The following ILDR1 variants were observed in gnomAD, a reference collection of about 807,000 sequenced individuals.
ILDR1 encodes immunoglobulin like domain containing receptor 1.
A neutral mutation model predicts 62.4 loss-of-function variants in ILDR1; 56 were observed. The observed-to-expected ratio is 0.90, with a 90% CI of 0.72 to 1.12. ILDR1 has a LOEUF of 1.12. Ranked by LOEUF, ILDR1 falls within the 50% of genes most tolerant of loss-of-function variation. The probability of loss-of-function intolerance (pLI) is 0.00; values close to 1 mark genes in which losing one functional copy is unlikely to be tolerated. For synonymous variants in ILDR1, 284 were observed against 277.8 expected (o/e 1.02, Z -0.22); for missense variants, 736 against 710.6 (o/e 1.04, Z -0.41).
chr3:122,040,336 A>G, the ILDR1 span, among the ~76,000 whole-genome samples: 4 of 152,052 alleles, frequency 2.6e-5, no homozygotes, highest in African/African-American at 9.6e-5. Flanking sequence ...AAGTTGGGAA[A>G]TGGGTTTTGT....
At position 121,999,262 on chromosome 3, in the gene ILDR1, T is replaced by C. The variant is rs897053023; in HGVS notation, c.646+2046A>G. 2.0e-5 allele frequency among the ~76,000 whole-genome samples: 3 copies of C among 152,334 alleles called. No individual in the cohort carries two copies. In the East Asian group the frequency reaches 5.8e-4, roughly 29 times the overall value. On this transcript the variant is annotated intron_variant, in intron 5 of 7. Transcript: ENST00000344209. ...AGGTGGTTATCTCTGGGTACTCAGA[T>C]GAGTCATTACATTTTCCTGAATTTC...
the ILDR1 span, among the ~76,000 whole-genome samples, chr3:122,041,302 T>C: frequency 6.6e-6 from 1 of 152,204 alleles, no homozygotes; most frequent in Non-Finnish European, 1.5e-5. Flanking sequence ...AGTGGGTTTG[T>C]TATCACTGCC....
intron 1 of ILDR1, among the ~76,000 whole-genome samples, chr3:122,018,394 T>TGGGG (rs535294009): frequency 1.5e-4 from 8 of 51,852 alleles, no homozygotes; most frequent in South Asian, 6.4e-4. Flanking sequence ...CCTGTTGGGG[T>TGGGG]GGGGGGGGGG....
intron 3 of ILDR1, among the ~76,000 whole-genome samples, chr3:122,002,766 C>T (rs1214520643): frequency 2.0e-5 from 3 of 152,100 alleles, no homozygotes; most frequent in Non-Finnish European, 4.4e-5. Flanking sequence ...GCTCTCCCTC[C>T]TACATCCCCA....
Position 122,002,003 on chromosome 3 carries a change from G to A in ILDR1, c.380-139C>T, listed in dbSNP as rs552181949. The A allele has an allele frequency of 1.8e-5, 18 of 994,476 alleles. No homozygotes were observed. In the African/African-American group the frequency reaches 3.0e-4, roughly 17 times the overall value. 61.6% of individuals were successfully genotyped at this position (994,476 alleles called of 1,614,324 possible). A position where few individuals can be genotyped will look rare whatever the true frequency, so the allele number is the denominator to read the frequency against. ...AATAAAAAAAAAATTATCCAGCCAT[G>A]GTGGCATGTGCCTATAGTCCCAGCT... On this transcript the variant is annotated intron_variant, in intron 3 of 7. Coordinates refer to ENST00000344209, the MANE Select transcript of ILDR1 (RefSeq NM_001199799.2).
chr3:122,022,041 G>A lies in ILDR1; in HGVS notation c.37C>T (p.Leu13Phe), dbSNP rs746304207. 2 of 1,611,800 alleles carry A rather than the reference G, an allele frequency of 1.2e-6. No homozygotes were observed. ...WPKLPAPWLL[L>F]CTWLPAGCLS... ...TCACCTGCTGGGAGCCAGGTGCAGAGCAGCAGCCAAGGTGCGGGCAGTTTG... is the reference window on the plus strand; with the variant it reads ...TCACCTGCTGGGAGCCAGGTGCAGAACAGCAGCCAAGGTGCGGGCAGTTTG... The change falls in exon 1 of 8, where the codon CTC becomes TTC. Residue 13 changes from leucine to phenylalanine, a missense_variant. Transcript: ENST00000344209.
At chr3:122,029,533 T>TATATATATATATATATATATATATATATA in the ILDR1 span, among the ~76,000 whole-genome samples, 7 of 148,784 alleles carry the variant, frequency 4.7e-5, no homozygotes, top group African/African-American at 1.5e-4. Context: ...TATATATATA[T>TATATATATATATATATATATATATATATA]TTAGGGGAAT....
chr3:122,000,674 A>G (rs1156457601), intron 5 of ILDR1, among the ~76,000 whole-genome samples: 1 of 152,250 alleles, frequency 6.6e-6, no homozygotes, highest in Non-Finnish European at 1.5e-5. Flanking sequence ...TTTGCTCAGA[A>G]GCACAGGTGA....
At chr3:122,055,201 G>T in the ILDR1 span, among the ~76,000 whole-genome samples, 1 of 152,082 alleles carries the variant, frequency 6.6e-6, no homozygotes, top group Non-Finnish European at 1.5e-5. Flanking sequence ...GTCATGTCTG[G>T]AACTCAAGCT....
At chr3:122,047,444 C>T in the ILDR1 span, among the ~76,000 whole-genome samples, 3 of 152,242 alleles carry the variant, frequency 2.0e-5, no homozygotes, top group Non-Finnish European at 2.9e-5. Flanking sequence ...GGGCTCCACC[C>T]AGTTGGAGCT....
chr3:122,003,611 GC>G (rs1213602739), intron 3 of ILDR1, among the ~76,000 whole-genome samples: 1 of 152,018 alleles, frequency 6.6e-6, no homozygotes, highest in Non-Finnish European at 1.5e-5. Context: ...GCAGGCATAG[GC>G]AAAAAAGTGT....
the ILDR1 span, among the ~76,000 whole-genome samples, chr3:122,034,034 T>C: frequency 5.9e-5 from 9 of 152,354 alleles, no homozygotes; most frequent in East Asian, 1.5e-3. Context: ...GGGTTTTCAC[T>C]GGGATTGCAT....
the ILDR1 span, among the ~76,000 whole-genome samples, chr3:122,050,690 C>T: frequency 6.6e-6 from 1 of 151,870 alleles, no homozygotes; most frequent in Non-Finnish European, 1.5e-5. Context: ...AATACTGTTA[C>T]ACTATTACAG....
intron 7 of ILDR1, among the ~76,000 whole-genome samples, chr3:121,990,782 T>A (rs1238854312): frequency 6.6e-6 from 1 of 152,188 alleles, no homozygotes; most frequent in Non-Finnish European, 1.5e-5. Flanking sequence ...CATGAATTAT[T>A]GAAAGGGCAC....
the ILDR1 span, among the ~76,000 whole-genome samples, chr3:122,049,223 A>G: frequency 6.6e-6 from 1 of 151,950 alleles, no homozygotes; most frequent in Admixed American, 6.6e-5. Context: ...GTTTCATTCC[A>G]TTGTGATTGG....
At chr3:121,989,388 C>T (rs1427408644) in intron 7 of ILDR1, among the ~76,000 whole-genome samples, 1 of 152,172 alleles carries the variant, frequency 6.6e-6, no homozygotes, top group African/African-American at 2.4e-5. Context: ...CGACATAAAA[C>T]TTTTTAAACA....
the ILDR1 span, among the ~76,000 whole-genome samples, chr3:122,042,444 G>A: frequency 9.6e-6 from 1 of 104,078 alleles, no homozygotes; most frequent in Non-Finnish European, 2.0e-5. Flanking sequence ...TAATGGGATG[G>A]CTGGGTCAAA....
At position 121,988,397 on chromosome 3, in the gene ILDR1, G is replaced by T. The variant is rs140505657; in HGVS notation, c.1611C>A (p.Ser537Arg). ...GSVERRSEKD[S>R]SHSGRSVVI ...TGACCACACTCCTTCCACTATGAGA[G>T]CTGTCTTTCTCCTGGGAAATAGAAG... Residue 537 changes from serine (S) to arginine (R), a missense_variant, in exon 8 of 8, where the codon AGC becomes AGA. By Grantham distance (110) the Ser-to-Arg change is moderately radical (BLOSUM62 -1). Coordinates refer to ENST00000344209, the MANE Select transcript of ILDR1 (RefSeq NM_001199799.2). 6 of 1,613,392 alleles carry T rather than the reference G, an allele frequency of 3.7e-6. No homozygotes were observed. The African/African-American group carries it at 6.7e-5, about 18-fold the overall frequency.
In ILDR1 at chr3:122,006,991, A is replaced by C. The variant is rs775002421; in HGVS notation, c.229T>G (p.Ser77Ala). The C allele has an allele frequency of 2.5e-6, 4 of 1,611,890 alleles. No individual in the cohort carries two copies. The highest frequency in any genetic ancestry group is 3.4e-6 in the Non-Finnish European group (4 of 1,179,638). The change falls in exon 2 of 8, where the codon TCA becomes GCA. Residue 77 changes from serine to alanine, a missense_variant and splice_region_variant. Ser to Ala is a moderately conservative substitution (Grantham distance 99). Transcript: ENST00000344209. ...GGGCCAAGGGGGTAAGGATACTCAC[A>C]CGCTGAGTAGTAGTCAAAGATAGGG... The part of the protein sequence containing the change: ...KDPIFDYYSA[S>A]YQAALSLGQD...
Sources: gnomAD v4.1 joint callset for allele counts (sites outside exome capture counted in the v4.1 genomes callset) on GRCh38, gnomAD v4.1.1 for gene constraint, MANE v1.5 for transcripts, NCBI Gene and HGNC (gene_info 2026-07-23, HGNC 2026-07-21) for gene names.